KDR: variants seen among roughly 807,000 people sequenced by gnomAD.
KDR encodes the protein kinase insert domain receptor.
Under a neutral mutation model 160.9 loss-of-function variants are expected in KDR, and 43 were observed. The ratio of observed to expected loss-of-function variants is 0.27; its 90% CI spans 0.21 to 0.34. The LOEUF (loss-of-function observed/expected upper bound fraction) is 0.34, where lower values mean the gene tolerates loss of function less well. KDR is among the 10% of genes least tolerant of loss of function. KDR has a pLI of 1.00. For missense variants in KDR, 1,469 were observed against 1,666.4 expected (o/e 0.88, Z 2.06); for synonymous variants, 617 against 600.1 (o/e 1.03, Z -0.41).
At position 55,082,757 on chromosome 4, in the gene KDR, C is replaced by T. The variant is rs912747671; in HGVS notation, c.3663-122G>A. The T allele has an allele frequency of 1.2e-5, 9 of 731,822 alleles. No homozygotes were observed. The Admixed American group carries it at 1.4e-4, about 11-fold the overall frequency. The allele number at this position is 731,822 out of a possible 1,614,324, so 45.3% of individuals were successfully genotyped here. The stretch of plus-strand genomic sequence containing the variant: ...ACCTTCAAAACATCCTTTAGAAAAA[C>T]AAAACAAAATAAAAATCTTTCTCTG... On this transcript the variant is annotated intron_variant, in intron 27 of 29. Coordinates refer to ENST00000263923, the MANE Select transcript of KDR (RefSeq NM_002253.4).
chr4:55,118,330 A>G (rs965384705), intron 3 of KDR, among the ~76,000 whole-genome samples: 2 of 152,204 alleles, frequency 1.3e-5, no homozygotes, highest in African/African-American at 4.8e-5. Flanking sequence ...AAGACTTTTT[A>G]TAAGTCTCAA....
intron 7 of KDR, among the ~76,000 whole-genome samples, chr4:55,112,523 A>ATTT (rs72203928): frequency 2.2e-4 from 26 of 117,132 alleles, no homozygotes; most frequent in African/African-American, 3.2e-4. Context: ...TTATACCTTG[A>ATTT]TTTTTTTTTT....
chr4:55,107,140 C>A (rs150752480), intron 10 of KDR, among the ~76,000 whole-genome samples: 1 of 152,286 alleles, frequency 6.6e-6, no homozygotes, highest in East Asian at 1.9e-4. Context: ...AAAGTAATTT[C>A]TCTGGGACCA....
intron 3 of KDR, among the ~76,000 whole-genome samples, chr4:55,116,705 G>T (rs1213704666): frequency 6.6e-6 from 1 of 152,178 alleles, no homozygotes; most frequent in African/African-American, 2.4e-5. Flanking sequence ...TTCCTTCCCA[G>T]CTGGAAAGCA....
intron 14 of KDR, 113 bp downstream of exon 14, chr4:55,102,249 A>G: frequency 7.4e-7 from 1 of 1,358,382 alleles, no homozygotes; most frequent in South Asian, 1.2e-5. Context: ...GAGCCAGGTC[A>G]TGGACACCAA....
chr4:55,095,865 C>T (rs1319789681), intron 19 of KDR, among the ~76,000 whole-genome samples, 200 bp from the exon 20 acceptor site: 1 of 152,080 alleles, frequency 6.6e-6, no homozygotes, highest in East Asian at 1.9e-4. Context: ...CAAGATTAAC[C>T]AAAATTTCAG....
chr4:55,119,079 C>G (rs916531073), intron 2 of KDR, among the ~76,000 whole-genome samples: 2 of 152,058 alleles, frequency 1.3e-5, no homozygotes, highest in African/African-American at 4.8e-5. Flanking sequence ...TGTGGTGGCG[C>G]ATGCCTGTAA....
intron 20 of KDR, 129 bp downstream of exon 20, chr4:55,095,448 G>T: frequency 1.4e-6 from 1 of 719,202 alleles, no homozygotes; most frequent in Non-Finnish European, 2.5e-6. Context: ...AGTTACAACA[G>T]CCAAGAGGTA....
chr4:55,089,431 C>T lies in KDR; in HGVS notation c.3347G>A (p.Cys1116Tyr). ...TCTAGTTCCTTCTTTCAATCGCCTACAAAATTCTTCATCAATCTTTACCCC... is the reference window on the plus strand; with the variant it reads ...TCTAGTTCCTTCTTTCAATCGCCTATAAAATTCTTCATCAATCTTTACCCC... ...YPGVKIDEEFCRRLKEGTRMR... is the reference protein window; with the variant it reads ...YPGVKIDEEFYRRLKEGTRMR... Residue 1116 changes from cysteine to tyrosine, a missense_variant, in exon 25 of 30, where the codon TGT becomes TAT. Cys to Tyr is a radical substitution (Grantham distance 194, BLOSUM62 -2). Around this residue, in one of 7 missense-constraint regions of KDR, gnomAD observed 132 missense variants for 195.9 expected, o/e 0.67. Transcript: ENST00000263923. 2 of 1,613,240 alleles carry T rather than the reference C, an allele frequency of 1.2e-6. No homozygotes were observed. Among genetic ancestry groups the T allele is most frequent in the Non-Finnish European group, 8.5e-7 (1 of 1,179,440 alleles).
chr4:55,119,152 T>C (rs1720805261), intron 2 of KDR, among the ~76,000 whole-genome samples: 1 of 151,054 alleles, frequency 6.6e-6, no homozygotes, highest in African/African-American at 2.4e-5. Flanking sequence ...GAGGTTGCAG[T>C]GAGCCAAAAT....
intron 10 of KDR, 73 bp from the exon 11 acceptor site, chr4:55,106,883 T>C (rs537403549): frequency 7.6e-6 from 10 of 1,315,796 alleles, no homozygotes; most frequent in Non-Finnish European, 1.1e-5. Context: ...AAGGAAAAGA[T>C]TCAGACTTTG....
intron 18 of KDR, 106 bp from the exon 19 acceptor site, chr4:55,096,448 A>G: frequency 1.3e-6 from 1 of 764,580 alleles, no homozygotes; most frequent in Non-Finnish European, 2.3e-6. Flanking sequence ...CTCCGGGGTA[A>G]CACAGCTGTG....
chr4:55,097,983 T>A (rs1163262376), intron 17 of KDR, among the ~76,000 whole-genome samples, 154 bp downstream of exon 17: 2 of 151,956 alleles, frequency 1.3e-5, no homozygotes, highest in African/African-American at 4.8e-5. Context: ...TACCTCTAAG[T>A]GGCTATATGA....
chr4:55,108,037 C>A, intron 9 of KDR, 144 bp from the exon 10 acceptor site: 1 of 843,788 alleles, frequency 1.2e-6, no homozygotes, highest in Non-Finnish European at 1.9e-6. Context: ...GATGTGGAAA[C>A]AAGAGACCTG....
intron 13 of KDR, among the ~76,000 whole-genome samples, chr4:55,103,168 G>A (rs1366820049): frequency 1.3e-5 from 2 of 152,096 alleles, no homozygotes; most frequent in Admixed American, 6.5e-5. Flanking sequence ...ATACCCTAAG[G>A]GAAGTCTTGG....
intron 6 of KDR, 130 bp downstream of exon 6, chr4:55,113,974 TGTGTGTATGTGTGTGTGAGTGG>T (rs1720663516): frequency 3.9e-6 from 3 of 769,690 alleles, no homozygotes; most frequent in Non-Finnish European, 6.8e-6. Context: ...AAATTGTGTG[TGTGTGTATGTGTGTGTGAGTGG>T]GTGTGTATGT....
intron 27 of KDR, among the ~76,000 whole-genome samples, chr4:55,085,395 A>G (rs1265700313): frequency 1.3e-5 from 2 of 152,196 alleles, no homozygotes; most frequent in Non-Finnish European, 2.9e-5. Context: ...GTCCAACTCT[A>G]TTTATAATGC....
At chr4:55,085,629 T>C (rs1719843607) in intron 27 of KDR, among the ~76,000 whole-genome samples, 1 of 152,204 alleles carries the variant, frequency 6.6e-6, no homozygotes, top group Non-Finnish European at 1.5e-5. Context: ...GTGAGTTTTA[T>C]TTTATAGAAA....
chr4:55,098,864 AT>A (rs201785245), intron 15 of KDR, 61 bp from the exon 16 acceptor site: 19,076 of 1,358,274 alleles, frequency 0.014, 225 homozygotes, highest in Non-Finnish European at 0.015. Context: ...TGTTTGTAAG[AT>A]GACAAATTTT....
Sources: allele counts gnomAD v4.1 joint callset (sites outside exome capture counted in the v4.1 genomes callset), GRCh38; gene constraint gnomAD v4.1.1; regional missense constraint gnomAD v4.1.1; transcripts MANE v1.5; gene names NCBI Gene and HGNC (gene_info 2026-07-23, HGNC 2026-07-21).